Variants in WDSUB1 observed in about 807,000 individuals in gnomAD.
WDSUB1 encodes WD repeat, SAM and U-box domain-containing protein 1.
In WDSUB1, 49 loss-of-function variants were observed where a neutral mutation model predicts 53.9. That is an observed-to-expected ratio of 0.91 (90% CI 0.72 to 1.15). WDSUB1 has a LOEUF of 1.15. Among genes scored for constraint, WDSUB1 ranks in the 50% most tolerant of loss-of-function variants. The probability of loss-of-function intolerance (pLI) is 0.00; values close to 1 mark genes in which losing one functional copy is unlikely to be tolerated. For synonymous variants in WDSUB1, 194 were observed against 200.6 expected, an observed-to-expected ratio of 0.97 and a Z score of 0.28; for missense variants, 514 against 562.0, an observed-to-expected ratio of 0.91 and a Z score of 0.86.
intron 8 of WDSUB1, among the ~76,000 whole-genome samples, chr2:159,257,054 A>G (rs1053965015): frequency 2.0e-5 from 3 of 152,166 alleles, no homozygotes; most frequent in African/African-American, 7.2e-5. Context: ...GCTGAAGTAC[A>G]GTGGCGTGTT....
intron 8 of WDSUB1, among the ~76,000 whole-genome samples, chr2:159,257,223 G>A (rs2061083318): frequency 6.6e-6 from 1 of 151,920 alleles, no homozygotes; most frequent in African/African-American, 2.4e-5. Flanking sequence ...GCTAATCTCA[G>A]ACTCCTGGGC....
At chr2:159,236,714 C>T (rs941114766) in intron 10 of WDSUB1, among the ~76,000 whole-genome samples, 1 of 152,188 alleles carries the variant, frequency 6.6e-6, no homozygotes, top group African/African-American at 2.4e-5. Context: ...CTGGCATACA[C>T]TGGCGAGATC....
chr2:159,260,261 T>A (rs2061160631), intron 5 of WDSUB1, among the ~76,000 whole-genome samples: 1 of 152,098 alleles, frequency 6.6e-6, no homozygotes, highest in African/African-American at 2.4e-5. Flanking sequence ...GCCAAGATCA[T>A]GCCACTGTAC....
Position 159,237,115 on chromosome 2 carries a change from T to TAACA in WDSUB1, c.1274-929_1274-926dup, listed in dbSNP as rs1323023464. 3.9e-5 allele frequency among the ~76,000 whole-genome samples: 6 copies of TAACA among 152,366 alleles called. No homozygotes were observed. In the East Asian group the frequency reaches 1.2e-3, roughly 29 times the overall value. On this transcript the variant is annotated intron_variant, in intron 10 of 10. Transcript: ENST00000359774. ...TTCAAAATAATGCCAGTATATTTAC[T>TAACA]AACATAAAACTGAAAGAAATTTTAA...
intron 3 of WDSUB1, among the ~76,000 whole-genome samples, chr2:159,278,604 T>G (rs1450966527): frequency 6.6e-6 from 1 of 152,228 alleles, no homozygotes; most frequent in East Asian, 1.9e-4. Context: ...TTATCTTTAG[T>G]GATTTTCAGC....
intron 5 of WDSUB1, among the ~76,000 whole-genome samples, chr2:159,264,804 C>T (rs1435992724): frequency 1.3e-5 from 2 of 152,136 alleles, no homozygotes; most frequent in African/African-American, 4.8e-5. Context: ...AGGAAAAGGG[C>T]CAGGCGCAGT....
intron 2 of WDSUB1, among the ~76,000 whole-genome samples, chr2:159,280,481 G>C (rs1031262263): frequency 5.9e-5 from 9 of 151,496 alleles, no homozygotes; most frequent in African/African-American, 2.2e-4. Flanking sequence ...CACGAGGTCA[G>C]GAGATCGAGA....
intron 8 of WDSUB1, 131 bp from the exon 9 acceptor site, chr2:159,256,506 T>A: frequency 2.2e-6 from 2 of 903,510 alleles, no homozygotes; most frequent in Non-Finnish European, 3.2e-6. Context: ...GGCTCATGCC[T>A]ATAATCCTAG....
At chr2:159,275,778 AC>A (rs1305985698) in intron 3 of WDSUB1, 140 bp from the exon 4 acceptor site, 3 of 634,434 alleles carry the variant, frequency 4.7e-6, no homozygotes, top group Non-Finnish European at 7.7e-6. Flanking sequence ...ATATCATTTA[AC>A]AAAATGCTGA....
At chr2:159,245,255 C>T (rs1193535385) in intron 10 of WDSUB1, among the ~76,000 whole-genome samples, 2 of 152,124 alleles carry the variant, frequency 1.3e-5, no homozygotes, top group Admixed American at 1.3e-4. Context: ...AGCCGGACAC[C>T]GTGGCTCATG....
At chr2:159,259,982 G>A (rs972595303) in intron 5 of WDSUB1, 139 bp from the exon 6 acceptor site, 3 of 978,982 alleles carry the variant, frequency 3.1e-6, no homozygotes, top group Admixed American at 3.6e-5. Flanking sequence ...CAATCCTTTT[G>A]TTCATATGCA....
intron 9 of WDSUB1, among the ~76,000 whole-genome samples, chr2:159,249,288 T>A (rs2060892493): frequency 6.6e-6 from 1 of 152,266 alleles, no homozygotes. Context: ...AAAGCTCATC[T>A]GTTTGTCCAA....
intron 5 of WDSUB1, among the ~76,000 whole-genome samples, chr2:159,263,559 A>G (rs897821226): frequency 6.6e-6 from 1 of 152,240 alleles, no homozygotes; most frequent in African/African-American, 2.4e-5. Context: ...ATGACCAGTT[A>G]TGCAATGTAA....
intron 10 of WDSUB1, among the ~76,000 whole-genome samples, chr2:159,240,575 T>TTGCCAA (rs1200704363): frequency 6.6e-6 from 1 of 152,232 alleles, no homozygotes; most frequent in East Asian, 1.9e-4. Flanking sequence ...GAAGTGCTTA[T>TTGCCAA]TGCCAAACAG....
Position 159,271,727 on chromosome 2 carries a change from G to A in WDSUB1, c.745C>T (p.His249Tyr). The part of the protein sequence containing the change: ...CAPVLACAFS[H>Y]DGQMLVSGSV... ...CCTGAGACTAGCATCTGCCCATCAT[G>A]GGAAAAAGCACAAGCCAGAACAGGA... Residue 249 changes from histidine (H) to tyrosine (Y), a missense_variant, in exon 5 of 11, where the codon CAT becomes TAT. Coordinates refer to ENST00000359774, the MANE Select transcript of WDSUB1 (RefSeq NM_001128212.3). 6.2e-7 allele frequency: 1 copy of A among 1,614,052 alleles called. No homozygotes were observed. The highest frequency in any genetic ancestry group is 8.5e-7 in the Non-Finnish European group (1 of 1,179,966).
At chr2:159,247,402 C>T (rs1466457553) in intron 10 of WDSUB1, among the ~76,000 whole-genome samples, 1 of 152,136 alleles carries the variant, frequency 6.6e-6, no homozygotes, top group Non-Finnish European at 1.5e-5. Context: ...AAAAAAAATT[C>T]ATTGCCTCCC....
chr2:159,256,074 G>C (rs1553628481), intron 9 of WDSUB1, 122 bp downstream of exon 9: 1 of 812,974 alleles, frequency 1.2e-6, no homozygotes. Flanking sequence ...CCATAATCAA[G>C]AAGATGGGTC....
intron 6 of WDSUB1, among the ~76,000 whole-genome samples, chr2:159,259,599 T>C (rs2061146250): frequency 6.6e-6 from 1 of 152,234 alleles, no homozygotes; most frequent in Non-Finnish European, 1.5e-5. Flanking sequence ...TTAAAATCTA[T>C]CCATCTTAAA....
chr2:159,271,694 T>C lies in WDSUB1; in HGVS notation c.770+8A>G. 1 of 1,612,222 alleles carries C rather than the reference T, an allele frequency of 6.2e-7. No homozygotes were observed. On this transcript the variant is annotated splice_region_variant and intron_variant, in intron 5 of 10. Transcript: ENST00000359774. ...AATGGTTTAGGAAAATTAAACCAAC[T>C]AGCTTACCCTGAGACTAGCATCTGC... is the stretch of plus-strand genomic sequence containing the variant.
Sources: allele counts gnomAD v4.1 joint callset (sites outside exome capture counted in the v4.1 genomes callset), GRCh38; gene constraint gnomAD v4.1.1; transcripts MANE v1.5; gene names NCBI Gene and HGNC (gene_info 2026-07-23, HGNC 2026-07-21).